The following MCPH1 variants were observed in gnomAD, a reference collection of about 807,000 sequenced individuals.
MCPH1 encodes the protein microcephalin.
A neutral mutation model predicts 84.5 loss-of-function variants in MCPH1; 104 were observed. The ratio of observed to expected loss-of-function variants is 1.23; its 90% CI spans 1.05 to 1.45. The LOEUF (loss-of-function observed/expected upper bound fraction) is 1.45. MCPH1 is among the 40% of genes most tolerant of loss of function. MCPH1 has a pLI of 0.00. For missense variants in MCPH1, 1,498 were observed against 1,005.7 expected (o/e 1.49, Z -6.62); for synonymous variants, 514 against 366.8 (o/e 1.40, Z -4.58).
Position 6,645,573 on chromosome 8 carries a change from A to G in MCPH1, c.*2524A>G, listed in dbSNP as rs1798176803. 6.6e-6 allele frequency: 1 copy of G among 150,830 alleles called. No homozygotes were observed. Among genetic ancestry groups the G allele is most frequent in the South Asian group, 2.1e-4 (1 of 4,748 alleles). The allele number at this position is 150,830 out of a possible 1,614,324, so 9.3% of individuals were successfully genotyped here. On this transcript the variant is annotated 3_prime_UTR_variant, in exon 14 of 14. Transcript: ENST00000344683. Reference sequence around the variant, plus strand: ...AATAAAAGTCTTTATTCTCAAGAATACAAGACACTATGTATAGAAATTGTA... The same window carrying G: ...AATAAAAGTCTTTATTCTCAAGAATGCAAGACACTATGTATAGAAATTGTA...
At chr8:6,587,979 A>T (rs1828128220) in intron 12 of MCPH1, among the ~76,000 whole-genome samples, 1 of 152,172 alleles carries the variant, frequency 6.6e-6, no homozygotes, top group Admixed American at 6.5e-5. Context: ...CCTCAACCTG[A>T]CGCATCTCTC....
At chr8:6,531,024 C>G (rs964316396) in intron 12 of MCPH1, among the ~76,000 whole-genome samples, 2 of 152,060 alleles carry the variant, frequency 1.3e-5, no homozygotes, top group Non-Finnish European at 2.9e-5. Context: ...TTCCTTATAG[C>G]CCAGAGTAGG....
At chr8:6,624,750 G>A in intron 13 of MCPH1, 1 of 923,650 alleles carries the variant, frequency 1.1e-6, no homozygotes, top group Non-Finnish European at 1.3e-6. Flanking sequence ...ATAAAGGAAG[G>A]TTTATTTTTC....
intron 12 of MCPH1, among the ~76,000 whole-genome samples, chr8:6,594,034 G>A (rs1463275642): frequency 6.6e-6 from 1 of 152,156 alleles, no homozygotes; most frequent in African/African-American, 2.4e-5. Context: ...ACCTTCCTGG[G>A]TTTTCCTGGG....
At chr8:6,469,556 A>T (rs1486961340) in intron 9 of MCPH1, among the ~76,000 whole-genome samples, 1 of 152,216 alleles carries the variant, frequency 6.6e-6, no homozygotes, top group Non-Finnish European at 1.5e-5. Flanking sequence ...ATATATTTAG[A>T]TGGGCTTATA....
chr8:6,422,006 C>T (rs1176967004), intron 3 of MCPH1, among the ~76,000 whole-genome samples: 1 of 152,246 alleles, frequency 6.6e-6, no homozygotes, highest in Admixed American at 6.5e-5. Flanking sequence ...ATCAGAAGAG[C>T]TTCCTCTGTC....
chr8:6,534,480 A>G (rs780331428), intron 12 of MCPH1, among the ~76,000 whole-genome samples: 11 of 152,118 alleles, frequency 7.2e-5, no homozygotes, highest in Non-Finnish European at 1.6e-4. Flanking sequence ...CATGTGTAAA[A>G]TCATTTTGTT....
At chr8:6,459,797 ACTGTCAGTCGATGAGAG>A (rs1288933620) in intron 9 of MCPH1, among the ~76,000 whole-genome samples, 1 of 152,180 alleles carries the variant, frequency 6.6e-6, no homozygotes, top group Non-Finnish European at 1.5e-5. Flanking sequence ...TGCAGACAGG[ACTGTCAGTCGATGAGAG>A]CTGTCAGTCG....
chr8:6,540,062 C>G (rs116371594), intron 12 of MCPH1, among the ~76,000 whole-genome samples: 2 of 152,168 alleles, frequency 1.3e-5, no homozygotes, highest in Non-Finnish European at 2.9e-5. Context: ...ATAGTCCATG[C>G]CTCTCCTCCT....
chr8:6,497,119 A>T (rs1404510738), intron 11 of MCPH1, among the ~76,000 whole-genome samples: 1 of 152,158 alleles, frequency 6.6e-6, no homozygotes, highest in Non-Finnish European at 1.5e-5. Context: ...TGGAAGTGCA[A>T]CATTTACCGA....
intron 12 of MCPH1, among the ~76,000 whole-genome samples, chr8:6,558,128 A>T (rs905758923): frequency 6.6e-6 from 1 of 152,176 alleles, no homozygotes; most frequent in African/African-American, 2.4e-5. Flanking sequence ...TTTTTGGGCC[A>T]GGAAAGATCC....
intron 13 of MCPH1, among the ~76,000 whole-genome samples, chr8:6,637,606 G>A (rs1425108249): frequency 1.3e-5 from 2 of 152,140 alleles, no homozygotes; most frequent in Non-Finnish European, 2.9e-5. Flanking sequence ...GTCACAGAAC[G>A]ATTTTAAGTG....
intron 3 of MCPH1, among the ~76,000 whole-genome samples, chr8:6,425,906 C>T (rs933613799): frequency 2.6e-5 from 4 of 152,158 alleles, no homozygotes; most frequent in African/African-American, 9.7e-5. Context: ...AGGGTCTCCT[C>T]TACGTCTTTC....
chr8:6,460,182 A>G (rs2129557322), intron 9 of MCPH1, among the ~76,000 whole-genome samples: 1 of 151,738 alleles, frequency 6.6e-6, no homozygotes, highest in East Asian at 1.9e-4. Context: ...CTCGTGTGCT[A>G]TCCTTTGCTT....
In MCPH1 at chr8:6,464,108, C is replaced by T. The variant is rs142603441; in HGVS notation, c.1935+8856C>T. 6.0e-4 allele frequency among the ~76,000 whole-genome samples: 91 copies of T among 152,296 alleles called. 2 individuals are homozygous for T. The highest frequency in any genetic ancestry group is 1.7e-3 in the African/African-American group (69 of 41,554). ...GTAAATCATTTCCATTGTTCAGACC[C>T]GCTGTACGCAGAAAGATAGGCCCTT... is the stretch of plus-strand genomic sequence containing the variant. On this transcript the variant is annotated intron_variant, in intron 9 of 13. Transcript: ENST00000344683.
At chr8:6,530,184 A>G (rs1283113372) in intron 12 of MCPH1, among the ~76,000 whole-genome samples, 1 of 152,062 alleles carries the variant, frequency 6.6e-6, no homozygotes, top group Non-Finnish European at 1.5e-5. Flanking sequence ...TTACTAATTT[A>G]TTTTAATAGG....
chr8:6,512,919 A>G (rs534138951), intron 12 of MCPH1, among the ~76,000 whole-genome samples: 3 of 152,240 alleles, frequency 2.0e-5, no homozygotes, highest in Admixed American at 1.3e-4. Flanking sequence ...AAACTTGACA[A>G]CTAATCTTGA....
intron 12 of MCPH1, among the ~76,000 whole-genome samples, chr8:6,523,483 G>T (rs1442196435): frequency 6.6e-6 from 1 of 152,208 alleles, no homozygotes; most frequent in Non-Finnish European, 1.5e-5. Context: ...TTAAGCCAGA[G>T]GAAACAAATC....
intron 3 of MCPH1, among the ~76,000 whole-genome samples, chr8:6,426,242 C>G (rs997087234): frequency 6.6e-6 from 1 of 152,106 alleles, no homozygotes. Context: ...TTTAAGTGTA[C>G]ATTCACGGGT....
Sources: allele counts gnomAD v4.1 joint callset (sites outside exome capture counted in the v4.1 genomes callset), GRCh38; gene constraint gnomAD v4.1.1; transcripts MANE v1.5; gene names NCBI Gene and HGNC (gene_info 2026-07-23, HGNC 2026-07-21).